Variants in C10orf67 observed in about 807,000 individuals in gnomAD.
C10orf67 encodes chromosome 10 open reading frame 67.
Under a neutral mutation model 35.6 loss-of-function variants are expected in C10orf67, and 60 were observed. The observed-to-expected ratio is 1.68, with a 90% CI of 1.37 to 2.09. The LOEUF is 2.09. Ranked by LOEUF, C10orf67 falls within the 30% of genes most tolerant of loss-of-function variation. C10orf67 has a pLI of 0.00. For missense variants in C10orf67, 474 were observed against 330.2 expected (o/e 1.44, Z -3.38); for synonymous variants, 167 against 115.8 (o/e 1.44, Z -2.84).
At chr10:23,227,170 T>A (rs1046810630) in intron 13 of C10orf67, among the ~76,000 whole-genome samples, 2 of 152,130 alleles carry the variant, frequency 1.3e-5, no homozygotes, top group African/African-American at 2.4e-5. Flanking sequence ...CTGATGAACA[T>A]CGATGCAAAA....
intron 8 of C10orf67, among the ~76,000 whole-genome samples, chr10:23,281,565 T>A (rs1843367247): frequency 6.6e-6 from 1 of 152,056 alleles, no homozygotes; most frequent in South Asian, 2.1e-4. Flanking sequence ...AGACCAGCCG[T>A]CTGGAAAGTT....
chr10:23,298,673 T>C (rs1478024227), intron 5 of C10orf67, among the ~76,000 whole-genome samples: 1 of 152,212 alleles, frequency 6.6e-6, no homozygotes, highest in Non-Finnish European at 1.5e-5. Flanking sequence ...CTGGATACAT[T>C]CCTCACTGAG....
intron 12 of C10orf67, among the ~76,000 whole-genome samples, chr10:23,244,269 A>G (rs756715624): frequency 2.5e-4 from 38 of 152,214 alleles, no homozygotes; most frequent in Non-Finnish European, 4.4e-4. Flanking sequence ...AGTGATAATA[A>G]ATATATTGTA....
In C10orf67 at chr10:23,330,338, C is replaced by T. The variant is rs149592927; in HGVS notation, c.327+2724G>A. ...ATTAGCCAGCTGTGGTGGCACACAC[C>T]TGTAGTCCCAGCTACTCAGTAGGCT... On this transcript the variant is annotated intron_variant, in intron 2 of 15. Coordinates refer to ENST00000636213, the MANE Select transcript of C10orf67 (RefSeq NM_001371909.1). Among the ~76,000 whole-genome samples, 165 of 152,170 alleles carry T rather than the reference C, an allele frequency of 1.1e-3. 3 individuals carry two copies. In the East Asian group the frequency reaches 0.029, roughly 27 times the overall value.
chr10:23,249,015 A>G (rs1038874179), intron 12 of C10orf67, among the ~76,000 whole-genome samples: 1 of 151,614 alleles, frequency 6.6e-6, no homozygotes, highest in African/African-American at 2.4e-5. Context: ...CTGTAATCCC[A>G]GCTACTAAGG....
intron 5 of C10orf67, among the ~76,000 whole-genome samples, chr10:23,297,271 C>CCTTTCCTTTCCTTTCCT (rs1843914964): frequency 2.0e-5 from 3 of 148,444 alleles, no homozygotes; most frequent in Non-Finnish European, 3.0e-5. Flanking sequence ...CCTTTCCTTT[C>CCTTTCCTTTCCTTTCCT]TGATGACCCC....
intron 13 of C10orf67, among the ~76,000 whole-genome samples, chr10:23,235,989 C>G (rs1214737054): frequency 6.6e-6 from 1 of 151,082 alleles, no homozygotes; most frequent in Non-Finnish European, 1.5e-5. Flanking sequence ...TGGCTCAAGC[C>G]TGTAATCCCA....
At chr10:23,319,348 A>G (rs1485104421) in intron 4 of C10orf67, among the ~76,000 whole-genome samples, 1 of 152,038 alleles carries the variant, frequency 6.6e-6, no homozygotes, top group Non-Finnish European at 1.5e-5. Context: ...ATTATTTTTT[A>G]TGGCTGTGTA....
At chr10:23,240,199 C>A (rs901274438) in intron 12 of C10orf67, among the ~76,000 whole-genome samples, 7 of 151,948 alleles carry the variant, frequency 4.6e-5, no homozygotes, top group Admixed American at 2.6e-4. Context: ...TGACAAAAAA[C>A]CAAAAACCAC....
At position 23,279,547 on chromosome 10, in the gene C10orf67, C is replaced by T. The variant is rs767117292; in HGVS notation, c.975+2466G>A. Among the ~76,000 whole-genome samples, 8 of 152,310 alleles carry T rather than the reference C, an allele frequency of 5.3e-5. No individual in the cohort carries two copies. The East Asian group carries it at 1.5e-3, about 29-fold the overall frequency. On this transcript the variant is annotated intron_variant, in intron 8 of 15. Coordinates refer to ENST00000636213, the MANE Select transcript of C10orf67 (RefSeq NM_001371909.1). ...CTAGGGCAACCTATGTACTTCCTTCCTATCTCCAGTCTGGATTGTTCCAAG... is the reference window on the plus strand; with the variant it reads ...CTAGGGCAACCTATGTACTTCCTTCTTATCTCCAGTCTGGATTGTTCCAAG...
intron 8 of C10orf67, among the ~76,000 whole-genome samples, chr10:23,274,576 G>A (rs539474787): frequency 2.8e-4 from 43 of 152,156 alleles, no homozygotes; most frequent in African/African-American, 5.5e-4. Flanking sequence ...TATTCTGCCC[G>A]ACCCCGCAGG....
intron 8 of C10orf67, among the ~76,000 whole-genome samples, chr10:23,274,372 G>A (rs1359042425): frequency 3.3e-5 from 5 of 152,096 alleles, no homozygotes; most frequent in African/African-American, 7.2e-5. Flanking sequence ...AGACCAGGGC[G>A]TATTTCATCC....
At chr10:23,334,498 A>G (rs1240073704) in intron 1 of C10orf67, among the ~76,000 whole-genome samples, 5 of 152,264 alleles carry the variant, frequency 3.3e-5, no homozygotes, top group Non-Finnish European at 7.3e-5. Flanking sequence ...TGACGAGAGC[A>G]TACCCCCATG....
chr10:23,227,103 A>T (rs1841762698), intron 13 of C10orf67, among the ~76,000 whole-genome samples: 1 of 152,240 alleles, frequency 6.6e-6, no homozygotes, highest in Non-Finnish European at 1.5e-5. Flanking sequence ...GGCCAGCATC[A>T]TCCTGATACC....
intron 15 of C10orf67, among the ~76,000 whole-genome samples, chr10:23,222,167 G>A (rs976529093): frequency 6.6e-6 from 1 of 152,140 alleles, no homozygotes; most frequent in African/African-American, 2.4e-5. Context: ...TCTACATTTT[G>A]CATTTTCAGG....
chr10:23,337,433 C>A (rs79862790), intron 1 of C10orf67, among the ~76,000 whole-genome samples: 1 of 152,090 alleles, frequency 6.6e-6, no homozygotes, highest in Non-Finnish European at 1.5e-5. Context: ...ACTTGGGAGG[C>A]TGAGGTGGGA....
chr10:23,280,817 T>A (rs1217316301), intron 8 of C10orf67, among the ~76,000 whole-genome samples: 1 of 152,248 alleles, frequency 6.6e-6, no homozygotes, highest in Non-Finnish European at 1.5e-5. Flanking sequence ...ACAAATTCAC[T>A]GATTGAGTAG....
intron 1 of C10orf67, among the ~76,000 whole-genome samples, chr10:23,337,364 T>C (rs966631069): frequency 1.3e-5 from 2 of 152,104 alleles, no homozygotes; most frequent in African/African-American, 4.8e-5. Flanking sequence ...CGAGACCTTG[T>C]CTCTACAAAA....
At chr10:23,292,320 C>G (rs920070398) in intron 5 of C10orf67, among the ~76,000 whole-genome samples, 7 of 150,406 alleles carry the variant, frequency 4.7e-5, no homozygotes, top group African/African-American at 1.7e-4. Context: ...GAACTTTATA[C>G]TTTATTGTGG....
Sources: allele counts gnomAD v4.1 joint callset (sites outside exome capture counted in the v4.1 genomes callset), GRCh38; gene constraint gnomAD v4.1.1; transcripts MANE v1.5; gene names NCBI Gene and HGNC (gene_info 2026-07-23, HGNC 2026-07-21).